Variants in PPA2 observed in about 807,000 individuals in gnomAD.
The protein encoded by PPA2 is inorganic pyrophosphatase 2.
In PPA2, 48 loss-of-function variants were observed where a neutral mutation model predicts 49.5. The observed-to-expected ratio is 0.97, with a 90% CI of 0.77 to 1.23. PPA2 has a LOEUF of 1.23. Among genes scored for constraint, PPA2 ranks in the 50% most tolerant of loss-of-function variants. The pLI is 0.00. For missense variants in PPA2, 429 were observed against 410.1 expected, an observed-to-expected ratio of 1.05 and a Z score of -0.40; for synonymous variants, 131 against 139.9, an observed-to-expected ratio of 0.94 and a Z score of 0.45.
rs753198189 is a variant in PPA2, at chr4:105,473,952, G to A, written c.99C>T (p.Ala33=). ...SAGTGSRRAM[A]LYHTEERGQP... ...GGCCGCGCTCCTCAGTGTGGTACAG[G>A]GCCATAGCACGGCGCGACCCGGTCC... The change falls in exon 1 of 12, where the codon GCC becomes GCT. Residue 33 remains alanine, a synonymous_variant. Transcript: ENST00000341695. 1.9e-6 allele frequency: 3 copies of A among 1,612,436 alleles called. No homozygotes were observed. Among genetic ancestry groups the A allele is most frequent in the Admixed American group, 3.3e-5 (2 of 59,964 alleles).
intron 9 of PPA2, among the ~76,000 whole-genome samples, chr4:105,391,471 ATATT>A (rs1578808521): frequency 6.6e-6 from 1 of 152,126 alleles, no homozygotes; most frequent in African/African-American, 2.4e-5. Flanking sequence ...TTCAGTAAGC[ATATT>A]TAGACTACCT....
At chr4:105,440,249 A>T (rs1226907102) in intron 5 of PPA2, among the ~76,000 whole-genome samples, 1 of 151,998 alleles carries the variant, frequency 6.6e-6, no homozygotes, top group East Asian at 1.9e-4. Flanking sequence ...AGGCTTAAAT[A>T]GGAAGATCTT....
At chr4:105,467,743 C>T (rs561811802) in intron 1 of PPA2, among the ~76,000 whole-genome samples, 73 of 152,136 alleles carry the variant, frequency 4.8e-4, no homozygotes, top group African/African-American at 1.7e-3. Context: ...AAAAAATATG[C>T]TAATGAGTTA....
chr4:105,379,914 G>A (rs576660375), intron 10 of PPA2, among the ~76,000 whole-genome samples: 2 of 152,248 alleles, frequency 1.3e-5, no homozygotes, highest in African/African-American at 2.4e-5. Context: ...GATTACAGGC[G>A]TGAGCCACTG....
At chr4:105,370,486 A>T in intron 11 of PPA2, 1 of 489,294 alleles carries the variant, frequency 2.0e-6, no homozygotes, top group Non-Finnish European at 2.6e-6. Flanking sequence ...AAAATAAGTG[A>T]TTCATTAAAA....
At chr4:105,432,145 T>C (rs1374058520) in intron 6 of PPA2, among the ~76,000 whole-genome samples, 3 of 152,208 alleles carry the variant, frequency 2.0e-5, no homozygotes, top group African/African-American at 7.2e-5. Context: ...GTGGAGGTTG[T>C]TATATACATG....
At chr4:105,382,608 C>G (rs1484001884) in intron 10 of PPA2, among the ~76,000 whole-genome samples, 1 of 152,084 alleles carries the variant, frequency 6.6e-6, no homozygotes, top group African/African-American at 2.4e-5. Flanking sequence ...AATAAAGATC[C>G]AACTGTTAGT....
chr4:105,456,831 A>C, intron 1 of PPA2, 86 bp from the exon 2 acceptor site: 1 of 1,013,696 alleles, frequency 9.9e-7, no homozygotes. Flanking sequence ...ATCCTTATCC[A>C]CTTTTAAACT....
At chr4:105,450,598 A>ATTTTT (rs1560637285) in intron 3 of PPA2, among the ~76,000 whole-genome samples, 6 of 63,316 alleles carry the variant, frequency 9.5e-5, no homozygotes, top group Non-Finnish European at 1.3e-4. Flanking sequence ...CTGGTCTGGA[A>ATTTTT]TTCTTTTTTT....
intron 10 of PPA2, among the ~76,000 whole-genome samples, chr4:105,385,742 T>C (rs1578801814): frequency 6.6e-6 from 1 of 152,004 alleles, no homozygotes; most frequent in African/African-American, 2.4e-5. Context: ...CTAAGACATA[T>C]AAAAATCCAA....
chr4:105,394,115 C>A (rs1233628276), intron 9 of PPA2, among the ~76,000 whole-genome samples: 3 of 151,940 alleles, frequency 2.0e-5, no homozygotes, highest in African/African-American at 7.2e-5. Context: ...GCCTGTAATT[C>A]CAGCACTTTG....
intron 7 of PPA2, chr4:105,405,194 C>T (rs1722404385): frequency 1.4e-6 from 1 of 704,820 alleles, no homozygotes; most frequent in Non-Finnish European, 1.7e-6. Context: ...TTGTATAATG[C>T]TCCTGAAAAA....
chr4:105,407,790 G>A (rs1423620383), intron 7 of PPA2, among the ~76,000 whole-genome samples: 1 of 152,176 alleles, frequency 6.6e-6, no homozygotes, highest in Non-Finnish European at 1.5e-5. Flanking sequence ...TTCTAGAAAA[G>A]GCAAACTATT....
intron 1 of PPA2, among the ~76,000 whole-genome samples, chr4:105,464,082 G>C (rs943255952): frequency 6.6e-6 from 1 of 152,152 alleles, no homozygotes; most frequent in African/African-American, 2.4e-5. Flanking sequence ...ACCCAGAAAA[G>C]CCACAGACAT....
chr4:105,451,957 C>G (rs1214729229), intron 3 of PPA2, among the ~76,000 whole-genome samples: 5 of 152,128 alleles, frequency 3.3e-5, no homozygotes, highest in African/African-American at 4.8e-5. Context: ...CAAATTTTAT[C>G]TGAAAATAAA....
rs987397801 is a variant in PPA2, at chr4:105,471,917, T to C, written c.157+1977A>G. Among the ~76,000 whole-genome samples the C allele has an allele frequency of 5.3e-5, 8 of 152,226 alleles. 1 individual carries two copies. In the South Asian group the frequency reaches 8.3e-4, roughly 16 times the overall value. ...GGGTTTTCTTCTTTCCTGCCCTGTT[T>C]ATCCAACTGAATGAAAAACGTATTT... On this transcript the variant is annotated intron_variant, in intron 1 of 11. Transcript: ENST00000341695.
intron 1 of PPA2, among the ~76,000 whole-genome samples, chr4:105,469,800 T>C (rs1723448417): frequency 6.6e-6 from 1 of 152,230 alleles, no homozygotes; most frequent in Admixed American, 6.5e-5. Context: ...TTCTATGATA[T>C]AGGCCAACTT....
chr4:105,468,936 A>G (rs963166816), intron 1 of PPA2, among the ~76,000 whole-genome samples: 1 of 152,206 alleles, frequency 6.6e-6, no homozygotes, highest in African/African-American at 2.4e-5. Context: ...GAGGTTCTGC[A>G]GCAGCTCGGC....
At chr4:105,373,454 C>A (rs527449666) in intron 10 of PPA2, among the ~76,000 whole-genome samples, 1 of 142,334 alleles carries the variant, frequency 7.0e-6, no homozygotes, top group East Asian at 2.4e-4. Context: ...GACAGTATAA[C>A]AATACAAAAT....
Sources: allele counts gnomAD v4.1 joint callset (sites outside exome capture counted in the v4.1 genomes callset), GRCh38; gene constraint gnomAD v4.1.1; transcripts MANE v1.5; gene names NCBI Gene and HGNC (gene_info 2026-07-23, HGNC 2026-07-21).